XRN2: variants seen among roughly 807,000 people sequenced by gnomAD.
XRN2 encodes the protein 5'-3' exoribonuclease 2.
A neutral mutation model predicts 138.5 loss-of-function variants in XRN2; 44 were observed. That is an observed-to-expected ratio of 0.32 (90% CI 0.25 to 0.41). XRN2 has a LOEUF of 0.41. XRN2 is among the 10% of genes least tolerant of loss of function. XRN2 has a pLI of 1.00. For missense variants in XRN2, 937 were observed against 1,169.3 expected (o/e 0.80, Z 2.90); for synonymous variants, 354 against 369.4 (o/e 0.96, Z 0.48).
intron 1 of XRN2, among the ~76,000 whole-genome samples, chr20:21,315,993 T>C (rs563296868): frequency 8.5e-5 from 13 of 152,320 alleles, no homozygotes; most frequent in Admixed American, 7.2e-4. Flanking sequence ...TGACTCACGC[T>C]TGTAATCGCA....
intron 16 of XRN2, among the ~76,000 whole-genome samples, chr20:21,344,922 G>A (rs1013089827): frequency 2.6e-5 from 4 of 152,158 alleles, no homozygotes; most frequent in Non-Finnish European, 5.9e-5. Flanking sequence ...AAGAATTTAG[G>A]AAAACGATCT....
At chr20:21,314,810 C>G (rs1266247594) in intron 1 of XRN2, among the ~76,000 whole-genome samples, 1 of 152,178 alleles carries the variant, frequency 6.6e-6, no homozygotes, top group African/African-American at 2.4e-5. Context: ...CTGTGTGTTG[C>G]TTACCAACTT....
At chr20:21,370,706 C>G (rs2122325202) in intron 27 of XRN2, among the ~76,000 whole-genome samples, 1 of 152,136 alleles carries the variant, frequency 6.6e-6, no homozygotes, top group Middle Eastern at 3.4e-3. Context: ...ATGTTGACCA[C>G]AAAAATAATT....
intron 1 of XRN2, among the ~76,000 whole-genome samples, chr20:21,311,008 C>T (rs2037873595): frequency 6.6e-6 from 1 of 152,164 alleles, no homozygotes; most frequent in Admixed American, 6.5e-5. Flanking sequence ...GCCTCTGCCT[C>T]CCAGAGTGCT....
intron 13 of XRN2, among the ~76,000 whole-genome samples, chr20:21,335,553 C>T (rs2038274426): frequency 6.6e-6 from 1 of 152,140 alleles, no homozygotes; most frequent in Non-Finnish European, 1.5e-5. Context: ...GCCTTCAGTA[C>T]TTGGTAATGT....
chr20:21,304,877 A>C (rs572320909), intron 1 of XRN2, among the ~76,000 whole-genome samples: 1 of 152,228 alleles, frequency 6.6e-6, no homozygotes, highest in Admixed American at 6.5e-5. Flanking sequence ...GTGGGCATCC[A>C]AAATTAAATG....
At chr20:21,382,142 T>G (rs760817322) in intron 28 of XRN2, 85 bp downstream of exon 28, 2 of 1,198,638 alleles carry the variant, frequency 1.7e-6, no homozygotes, top group Admixed American at 4.8e-5. Context: ...CTAAAACCTC[T>G]GTGGTTTGAA....
At chr20:21,319,446 A>G (rs1273086819) in intron 1 of XRN2, among the ~76,000 whole-genome samples, 1 of 151,658 alleles carries the variant, frequency 6.6e-6, no homozygotes, top group East Asian at 1.9e-4. Context: ...ATTTTTCTCT[A>G]TTTCTCCTTT....
At chr20:21,311,761 A>G (rs2037883955) in intron 1 of XRN2, among the ~76,000 whole-genome samples, 1 of 152,114 alleles carries the variant, frequency 6.6e-6, no homozygotes, top group African/African-American at 2.4e-5. Flanking sequence ...GCCAAGGAAG[A>G]TGGATCATTT....
At chr20:21,338,915 A>C (rs989914540) in intron 13 of XRN2, 129 bp from the exon 14 acceptor site, 1 of 786,738 alleles carries the variant, frequency 1.3e-6, no homozygotes, top group African/African-American at 1.8e-5. Context: ...TGCCTGGTTT[A>C]ATCATGTACC....
At position 21,330,637 on chromosome 20, in the gene XRN2, C is replaced by G; in HGVS notation, c.508C>G (p.Leu170Val). 1.2e-6 allele frequency: 2 copies of G among 1,613,682 alleles called. No individual in the cohort carries two copies. The highest frequency in any genetic ancestry group is 1.7e-6 in the Non-Finnish European group (2 of 1,179,948). ...ITPGTEFMDNLAKCLRYYIAD... is the reference protein window; with the variant it reads ...ITPGTEFMDNVAKCLRYYIAD... ...TTAGGGAACTGAATTCATGGACAAT[C>G]TTGCTAAATGCCTTCGCTATTACAT... is the stretch of plus-strand genomic sequence containing the variant. Residue 170 changes from leucine (L) to valine (V), a missense_variant, in exon 6 of 30, where the codon CTT becomes GTT. Physicochemically the swap from Leu to Val is conservative, Grantham distance 32 (BLOSUM62 1). Around this residue, in one of 6 missense-constraint regions of XRN2, gnomAD observed 471 missense variants for 581.2 expected, o/e 0.81. Transcript: ENST00000377191.
At position 21,330,689 on chromosome 20, in the gene XRN2, G is replaced by A; in HGVS notation, c.560G>A (p.Gly187Glu). 3.1e-6 allele frequency: 5 copies of A among 1,612,212 alleles called. No individual in the cohort carries two copies. The highest frequency in any genetic ancestry group is 4.2e-6 in the Non-Finnish European group (5 of 1,179,786). ...YIADRLNNDP[G>E]WKNLTVILSD... is the part of the protein sequence containing the mutation. ...GCTGATCGTTTAAATAATGACCCTG[G>A]GTGGAAAAATTTGACAGTAAGTTTC... The change falls in exon 6 of 30, where the codon GGG (glycine) becomes GAG (glutamate). Residue 187 changes from glycine (G) to glutamate (E), a missense_variant. Coordinates refer to ENST00000377191, the MANE Select transcript of XRN2 (RefSeq NM_012255.5).
intron 1 of XRN2, among the ~76,000 whole-genome samples, chr20:21,324,265 C>G (rs925874058): frequency 3.3e-5 from 5 of 152,078 alleles, no homozygotes; most frequent in African/African-American, 1.2e-4. Flanking sequence ...AGCTTCTTCT[C>G]TGTTCTGCCT....
intron 1 of XRN2, among the ~76,000 whole-genome samples, chr20:21,311,277 TTCTA>T (rs2037878089): frequency 6.6e-6 from 1 of 152,210 alleles, no homozygotes; most frequent in Admixed American, 6.5e-5. Context: ...CCTCCCCACT[TTCTA>T]TCTTTATAAA....
At chr20:21,328,466 A>T in intron 3 of XRN2, 93 bp from the exon 4 acceptor site, 1 of 1,194,500 alleles carries the variant, frequency 8.4e-7, no homozygotes, top group Non-Finnish European at 1.2e-6. Context: ...ATTTTAGTGT[A>T]CTGCTTTTAT....
Position 21,346,339 on chromosome 20 carries a change from T to A in XRN2, c.1530-76T>A, listed in dbSNP as rs1338030562. Reference sequence around the variant, plus strand: ...CCCTGGGTATTAAATATAAATTGATTTGGGGTATAAATTAGTAGACAGCCT... The same window carrying A: ...CCCTGGGTATTAAATATAAATTGATATGGGGTATAAATTAGTAGACAGCCT... On this transcript the variant is annotated intron_variant, in intron 16 of 29. Transcript: ENST00000377191. The A allele has an allele frequency of 5.8e-6, 9 of 1,552,310 alleles. No individual in the cohort carries two copies. In the East Asian group the frequency reaches 9.1e-5, roughly 16 times the overall value.
rs149456248 is a variant in XRN2, at chr20:21,330,811, T to C, written c.576+106T>C. On this transcript the variant is annotated intron_variant, in intron 6 of 29. Transcript: ENST00000377191. Reference sequence around the variant, plus strand: ...CCTTCTGCCCTGCCCCATAAAATGCTAGTTGACTGTTGGAAGAAAGAAAAG... The same window carrying C: ...CCTTCTGCCCTGCCCCATAAAATGCCAGTTGACTGTTGGAAGAAAGAAAAG... The C allele has an allele frequency of 4.8e-4, 514 of 1,061,140 alleles. No individual in the cohort carries two copies. In the African/African-American group the frequency reaches 7.6e-3, roughly 16 times the overall value. The allele number at this position is 1,061,140 out of a possible 1,614,324, so 65.7% of individuals were successfully genotyped here. A position where few individuals can be genotyped will look rare whatever the true frequency, so the allele number is the denominator to read the frequency against.
At chr20:21,382,867 A>G (rs2038900506) in intron 28 of XRN2, among the ~76,000 whole-genome samples, 1 of 152,228 alleles carries the variant, frequency 6.6e-6, no homozygotes, top group Non-Finnish European at 1.5e-5. Context: ...TGGTTTTGCC[A>G]ACATCAGTAA....
Position 21,365,596 on chromosome 20 carries a change from C to T in XRN2, c.2348C>T (p.Pro783Leu), listed in dbSNP as rs139832875. Residue 783 changes from proline to leucine, a missense_variant, in exon 26 of 30, where the codon CCT (proline) becomes CTT (leucine). By Grantham distance (98) the Pro-to-Leu change is moderately conservative. Transcript: ENST00000377191. Reference sequence around the variant, plus strand: ...AGAAAGCCAGCAGCAGTACTGAAACCTAGTGACTGGGAAAAATCCAGCAAT... The same window carrying T: ...AGAAAGCCAGCAGCAGTACTGAAACTTAGTGACTGGGAAAAATCCAGCAAT... ...GARKPAAVLK[P>L]SDWEKSSNGR... The T allele has an allele frequency of 1.4e-5, 23 of 1,613,084 alleles. No individual in the cohort carries two copies. The African/African-American group carries it at 3.1e-4, about 22-fold the overall frequency.
Sources: allele counts gnomAD v4.1 joint callset (sites outside exome capture counted in the v4.1 genomes callset), GRCh38; gene constraint gnomAD v4.1.1; regional missense constraint gnomAD v4.1.1; transcripts MANE v1.5; gene names NCBI Gene and HGNC (gene_info 2026-07-23, HGNC 2026-07-21).